Variants in KIF18A observed in about 807,000 individuals in gnomAD.
The protein encoded by KIF18A is kinesin-like protein KIF18A.
KIF18A carries 67 observed loss-of-function variants against 103.3 expected under a neutral mutation model. The observed-to-expected ratio is 0.65, with a 90% CI of 0.53 to 0.79. The LOEUF (loss-of-function observed/expected upper bound fraction) is 0.79, where lower values mean the gene tolerates loss of function less well. KIF18A is among the 30% of genes least tolerant of loss of function. The pLI is 0.00. For missense variants in KIF18A, 1,032 were observed against 1,062.5 expected (o/e 0.97, Z 0.40); for synonymous variants, 367 against 355.5 (o/e 1.03, Z -0.36).
chr11:28,058,562 T>TA (rs1317402459), intron 13 of KIF18A, among the ~76,000 whole-genome samples: 1 of 126,242 alleles, frequency 7.9e-6, no homozygotes, highest in Admixed American at 9.2e-5. Flanking sequence ...CTTGTGGGGC[T>TA]GAAGTGGAAG....
chr11:28,042,526 G>T (rs1850573799), intron 13 of KIF18A, among the ~76,000 whole-genome samples: 1 of 151,914 alleles, frequency 6.6e-6, no homozygotes, highest in South Asian at 2.1e-4. Flanking sequence ...CCATGTTTAA[G>T]GAAGCTTGAA....
Position 28,036,525 on chromosome 11 carries a change from A to G in KIF18A, c.2088T>C (p.Leu696=). The change falls in exon 14 of 17, where the codon CTT becomes CTC. Residue 696 remains leucine (L), a synonymous_variant. Coordinates refer to ENST00000263181, the MANE Select transcript of KIF18A (RefSeq NM_031217.4). ...ATACAATAGGCTGAAGTTCTTTGCT[A>G]AGAGAATCATTGAGCTGCACACTTT... is the stretch of plus-strand genomic sequence containing the variant. ...PSQSVQLNDS[L]SKELQPIVYT... 2.5e-6 allele frequency: 4 copies of G among 1,611,378 alleles called. No individual in the cohort carries two copies. Among genetic ancestry groups the G allele is most frequent in the South Asian group, 1.1e-5 (1 of 91,004 alleles).
At chr11:28,077,428 G>T (rs559979236) in intron 9 of KIF18A, among the ~76,000 whole-genome samples, 1 of 152,110 alleles carries the variant, frequency 6.6e-6, no homozygotes, top group Non-Finnish European at 1.5e-5. Flanking sequence ...GCATCATAAG[G>T]TGTCTGGTAT....
chr11:28,101,481 G>T (rs1851446121), intron 1 of KIF18A, among the ~76,000 whole-genome samples: 1 of 152,090 alleles, frequency 6.6e-6, no homozygotes. Context: ...GTTGGAGCCA[G>T]GCAGCCTAGG....
chr11:28,057,529 CA>C (rs1029798624), intron 13 of KIF18A, among the ~76,000 whole-genome samples: 3 of 151,030 alleles, frequency 2.0e-5, no homozygotes, highest in African/African-American at 4.9e-5. Context: ...CAAAACAAAA[CA>C]AAAAAAACAA....
At chr11:28,083,997 G>GAT (rs1414171473) in intron 7 of KIF18A, among the ~76,000 whole-genome samples, 1 of 151,912 alleles carries the variant, frequency 6.6e-6, no homozygotes, top group African/African-American at 2.4e-5. Flanking sequence ...TTTCAACCCC[G>GAT]ATATATTATA....
In KIF18A at chr11:28,036,663, G is replaced by C; in HGVS notation, c.1950C>G (p.Cys650Trp). 6.5e-7 allele frequency: 1 copy of C among 1,539,804 alleles called. No individual in the cohort carries two copies. The highest frequency in any genetic ancestry group is 8.8e-7 in the Non-Finnish European group (1 of 1,141,060). The change falls in exon 14 of 17, where the codon TGC becomes TGG. Residue 650 changes from cysteine (C) to tryptophan (W), a missense_variant and splice_region_variant. Physicochemically the swap from Cys to Trp is radical, Grantham distance 215. Transcript: ENST00000263181. Reference sequence around the variant, plus strand: ...CCAGATTAGTTCCACCTGAAGATGAGCCTATTCAAAAAAATAAAAAAAGAC... The same window carrying C: ...CCAGATTAGTTCCACCTGAAGATGACCCTATTCAAAAAAATAAAAAAAGAC... ...QLGPVQPIPC[C>W]SSSGGTNLVK...
chr11:28,035,587 T>C, intron 14 of KIF18A, 93 bp from the exon 15 acceptor site: 1 of 603,328 alleles, frequency 1.7e-6, no homozygotes, highest in East Asian at 3.1e-5. Context: ...AGAAAACCAT[T>C]TGGTATTAAT....
intron 11 of KIF18A, among the ~76,000 whole-genome samples, chr11:28,068,186 C>G (rs536731045): frequency 6.6e-6 from 1 of 152,076 alleles, no homozygotes; most frequent in Non-Finnish European, 1.5e-5. Flanking sequence ...AAACTAAACA[C>G]TGCACGTTCT....
rs781548926 is a variant in KIF18A at position 28,036,347 on chromosome 11, T to G, written c.2266A>C (p.Asn756His). Residue 756 changes from asparagine (N) to histidine (H), a missense_variant, in exon 14 of 17, where the codon AAT becomes CAT. Asn to His is a moderately conservative substitution (Grantham distance 68). Coordinates refer to ENST00000263181, the MANE Select transcript of KIF18A (RefSeq NM_031217.4). Reference sequence around the variant, plus strand: ...TCCTGTCCACATTCTTTTCTTCTATTATGAGGGATAGCTACTTCACACAAC... The same window carrying G: ...TCCTGTCCACATTCTTTTCTTCTATGATGAGGGATAGCTACTTCACACAAC... Reference protein sequence around the residue: ...KMLCEVAIPHNRRKECGQEDL... With the variant: ...KMLCEVAIPHHRRKECGQEDL... 6.2e-7 allele frequency: 1 copy of G among 1,611,106 alleles called. No homozygotes were observed. Among genetic ancestry groups the G allele is most frequent in the Admixed American group, 1.7e-5 (1 of 59,694 alleles).
intron 13 of KIF18A, among the ~76,000 whole-genome samples, chr11:28,039,142 C>G (rs1850529112): frequency 6.6e-6 from 1 of 151,556 alleles, no homozygotes; most frequent in South Asian, 2.1e-4. Context: ...CGGATATTAC[C>G]TTTTTATATA....
rs575102434 is a variant in KIF18A, at chr11:28,036,462, C to T, written c.2151G>A (p.Pro717=). 31 of 1,610,748 alleles carry T rather than the reference C, an allele frequency of 1.9e-5. No homozygotes were observed. The highest frequency in any genetic ancestry group is 1.0e-4 in the Admixed American group (6 of 59,670). The change falls in exon 14 of 17, where the codon CCG becomes CCA. Residue 717 remains proline, a synonymous_variant. Coordinates refer to ENST00000263181, the MANE Select transcript of KIF18A (RefSeq NM_031217.4). ...ATGGTTTCATTAAGGTTACTGTAGA[C>T]GGATTTTGAAAAGCTTTTCTACAGT... is the stretch of plus-strand genomic sequence containing the variant. ...PEDCRKAFQN[P]STVTLMKPSS...
chr11:28,097,363 T>C (rs1026338065), intron 2 of KIF18A: 14 of 383,040 alleles, frequency 3.7e-5, no homozygotes, highest in African/African-American at 2.7e-4. Context: ...TTTAATAACA[T>C]AGGCAACTGA....
intron 3 of KIF18A, 134 bp from the exon 4 acceptor site, chr11:28,091,647 A>C: frequency 2.0e-6 from 1 of 492,500 alleles, no homozygotes; most frequent in South Asian, 3.4e-5. Context: ...TATTCACCTC[A>C]TACCTTCGAT....
chr11:28,073,134 C>T (rs746038206), intron 10 of KIF18A, among the ~76,000 whole-genome samples: 3 of 152,042 alleles, frequency 2.0e-5, no homozygotes, highest in Non-Finnish European at 2.9e-5. Context: ...ACATCATGTG[C>T]CAACTCCAGT....
intron 4 of KIF18A, 106 bp downstream of exon 4, chr11:28,091,303 T>C: frequency 1.6e-6 from 1 of 611,914 alleles, no homozygotes; most frequent in Non-Finnish European, 2.9e-6. Flanking sequence ...TGTACCTCAT[T>C]AGTTTTTTTT....
At position 28,099,247 on chromosome 11, in the gene KIF18A, A is replaced by G. The variant is rs778013002; in HGVS notation, c.-46-1254T>C. ...AAATAAGCCAGGTACAAAAAGACAAATATCACATGATCTCACTTTTATGCA... is the reference window on the plus strand; with the variant it reads ...AAATAAGCCAGGTACAAAAAGACAAGTATCACATGATCTCACTTTTATGCA... On this transcript the variant is annotated intron_variant, in intron 1 of 16. Coordinates refer to ENST00000263181, the MANE Select transcript of KIF18A (RefSeq NM_031217.4). Among the ~76,000 whole-genome samples the G allele has an allele frequency of 2.6e-5, 4 of 152,282 alleles. No homozygotes were observed. In the South Asian group the frequency reaches 6.2e-4, roughly 24 times the overall value.
chr11:28,020,977 T>C lies in KIF18A; in HGVS notation c.*223A>G, dbSNP rs1752795597. ...AGGGATTTTAAAAGGCAACAAATAT[T>C]TAAAAAACTTAAAAGACAACCTTTT... is the stretch of plus-strand genomic sequence containing the variant. On this transcript the variant is annotated 3_prime_UTR_variant, in exon 17 of 17. Transcript: ENST00000263181. 1 of 309,268 alleles carries C rather than the reference T, an allele frequency of 3.2e-6. No individual in the cohort carries two copies. The highest frequency in any genetic ancestry group is 2.2e-5 in the African/African-American group (1 of 45,990). The allele number at this position is 309,268 out of a possible 1,614,324, so 19.2% of individuals were successfully genotyped here. A position where few individuals can be genotyped will look rare whatever the true frequency, so the allele number is the denominator to read the frequency against.
chr11:28,101,663 G>A (rs193287560), intron 1 of KIF18A, among the ~76,000 whole-genome samples: 1 of 152,226 alleles, frequency 6.6e-6, no homozygotes, highest in Admixed American at 6.5e-5. Context: ...AACTACAAGT[G>A]TTTGCTATTA....
Sources: gnomAD v4.1 joint callset for allele counts (sites outside exome capture counted in the v4.1 genomes callset) on GRCh38, gnomAD v4.1.1 for gene constraint, MANE v1.5 for transcripts, NCBI Gene and HGNC (gene_info 2026-07-23, HGNC 2026-07-21) for gene names.